GALNT1: variants seen among roughly 807,000 people sequenced by gnomAD.
GALNT1 encodes the protein GalNAc transferase 1.
GALNT1 carries 17 observed loss-of-function variants against 65.7 expected under a neutral mutation model. That is an observed-to-expected ratio of 0.26 (90% CI 0.18 to 0.39). GALNT1 has a LOEUF of 0.39. GALNT1 is among the 10% of genes least tolerant of loss of function. GALNT1 has a pLI of 1.00. For synonymous variants in GALNT1, 210 were observed against 219.7 expected (o/e 0.96, Z 0.39); for missense variants, 460 against 672.8 (o/e 0.68, Z 3.50).
intron 4 of GALNT1, 113 bp downstream of exon 4, chr18:35,677,870 C>A: frequency 4.1e-6 from 3 of 732,434 alleles, no homozygotes; most frequent in South Asian, 3.1e-5. Context: ...TAATTTATCC[C>A]AAAAATATGG....
intron 3 of GALNT1, among the ~76,000 whole-genome samples, chr18:35,673,113 A>C (rs901593966): frequency 1.3e-5 from 2 of 152,222 alleles, no homozygotes; most frequent in African/African-American, 4.8e-5. Flanking sequence ...AACATTGCCA[A>C]ACACTGCCTG....
intron 11 of GALNT1, among the ~76,000 whole-genome samples, chr18:35,705,480 T>C (rs558910467): frequency 6.6e-6 from 1 of 152,338 alleles, no homozygotes; most frequent in East Asian, 1.9e-4. Flanking sequence ...ATATTACCTA[T>C]AATAATAGCT....
intron 4 of GALNT1, among the ~76,000 whole-genome samples, chr18:35,682,911 A>T (rs1365800528): frequency 4.0e-5 from 5 of 125,584 alleles, no homozygotes; most frequent in African/African-American, 1.2e-4. Context: ...CCCTGATTAA[A>T]AAAAAAAAAA....
chr18:35,644,855 G>A (rs942785765), intron 1 of GALNT1, among the ~76,000 whole-genome samples: 2 of 152,048 alleles, frequency 1.3e-5, no homozygotes, highest in Non-Finnish European at 2.9e-5. Context: ...GCTAGGCATG[G>A]TGGCATGCAC....
chr18:35,617,759 C>T (rs897205932), intron 1 of GALNT1, among the ~76,000 whole-genome samples: 1 of 151,988 alleles, frequency 6.6e-6, no homozygotes, highest in Non-Finnish European at 1.5e-5. Flanking sequence ...ATCTGTAACC[C>T]AGTTCATAAT....
chr18:35,664,096 G>A, intron 3 of GALNT1: 1 of 342,864 alleles, frequency 2.9e-6, no homozygotes, highest in Admixed American at 4.8e-5. Context: ...TTTACAAAAA[G>A]ATTTAAGTTG....
At chr18:35,686,640 T>A (rs571903723) in intron 5 of GALNT1, among the ~76,000 whole-genome samples, 1 of 152,324 alleles carries the variant, frequency 6.6e-6, no homozygotes, top group South Asian at 2.1e-4. Flanking sequence ...GTGGAACAAC[T>A]GGTTATCCAT....
chr18:35,616,514 G>T (rs145762842), intron 1 of GALNT1, among the ~76,000 whole-genome samples: 4 of 152,238 alleles, frequency 2.6e-5, no homozygotes, highest in South Asian at 2.1e-4. Context: ...TGGACACTGG[G>T]TGTTTTTTTT....
intron 1 of GALNT1, among the ~76,000 whole-genome samples, chr18:35,648,024 G>GA (rs535059591): frequency 1.4e-5 from 2 of 145,836 alleles, no homozygotes; most frequent in Non-Finnish European, 1.5e-5. Flanking sequence ...AAAACAAAAA[G>GA]AGAAGAAGAA....
chr18:35,633,013 A>C (rs1363527652), intron 1 of GALNT1, among the ~76,000 whole-genome samples: 5 of 152,386 alleles, frequency 3.3e-5, no homozygotes, highest in Non-Finnish European at 1.5e-5. Flanking sequence ...CACACCAGTT[A>C]GAATGGTGAT....
chr18:35,687,146 G>C lies in GALNT1; in HGVS notation c.820G>C (p.Glu274Gln). 6.2e-7 allele frequency: 1 copy of C among 1,613,858 alleles called. No homozygotes were observed. The highest frequency in any genetic ancestry group is 8.5e-7 in the Non-Finnish European group (1 of 1,179,838). The change falls in exon 6 of 12, where the codon GAA becomes CAA. Residue 274 changes from glutamate to glutamine, a missense_variant. Physicochemically the swap from Glu to Gln is conservative, Grantham distance 29 (BLOSUM62 2). Transcript: ENST00000269195. ...NFRWYPVPQR[E>Q]MDRRKGDRTL... ...TCGCTGGTATCCTGTTCCCCAAAGA[G>C]AAATGGACAGAAGGAAAGGTGATCG...
chr18:35,646,861 A>T (rs1329631806), intron 1 of GALNT1, among the ~76,000 whole-genome samples: 2 of 152,148 alleles, frequency 1.3e-5, no homozygotes, highest in Non-Finnish European at 2.9e-5. Context: ...AGCATCTCTC[A>T]TTGAAGGTTC....
chr18:35,618,732 T>C (rs1184638934), intron 1 of GALNT1, among the ~76,000 whole-genome samples: 1 of 152,002 alleles, frequency 6.6e-6, no homozygotes, highest in African/African-American at 2.4e-5. Flanking sequence ...TACTGCACTG[T>C]TTTTGTTTGT....
At chr18:35,645,140 T>G (rs1598793643) in intron 1 of GALNT1, among the ~76,000 whole-genome samples, 1 of 152,042 alleles carries the variant, frequency 6.6e-6, no homozygotes, top group Non-Finnish European at 1.5e-5. Context: ...TAGTTAGTTA[T>G]TCTTTTGTAT....
At chr18:35,665,551 A>G (rs1386585302) in intron 3 of GALNT1, among the ~76,000 whole-genome samples, 1 of 152,208 alleles carries the variant, frequency 6.6e-6, no homozygotes, top group Non-Finnish European at 1.5e-5. Context: ...ACTCCAAGAC[A>G]TTGTGACTTT....
At chr18:35,705,479 A>G (rs370469080) in intron 11 of GALNT1, among the ~76,000 whole-genome samples, 4 of 152,196 alleles carry the variant, frequency 2.6e-5, no homozygotes, top group South Asian at 2.1e-4. Context: ...GATATTACCT[A>G]TAATAATAGC....
At chr18:35,587,919 G>A (rs1219229774) in intron 1 of GALNT1, among the ~76,000 whole-genome samples, 3 of 152,104 alleles carry the variant, frequency 2.0e-5, no homozygotes, top group Non-Finnish European at 2.9e-5. Context: ...GTATGTTGAA[G>A]AGGGCTGTTG....
At chr18:35,593,662 CAGT>C (rs2046471299) in intron 1 of GALNT1, among the ~76,000 whole-genome samples, 1 of 151,882 alleles carries the variant, frequency 6.6e-6, no homozygotes, top group Non-Finnish European at 1.5e-5. Context: ...TATGCTCAGT[CAGT>C]GGTGGCAGAT....
At chr18:35,652,361 C>A (rs2047322320) in intron 1 of GALNT1, among the ~76,000 whole-genome samples, 1 of 152,172 alleles carries the variant, frequency 6.6e-6, no homozygotes, top group Admixed American at 6.5e-5. Flanking sequence ...CTTTTCATGC[C>A]TCTCTCAGAG....
Sources: gnomAD v4.1 joint callset for allele counts (sites outside exome capture counted in the v4.1 genomes callset) on GRCh38, gnomAD v4.1.1 for gene constraint, MANE v1.5 for transcripts, NCBI Gene and HGNC (gene_info 2026-07-23, HGNC 2026-07-21) for gene names.